XYLT1: variants seen among roughly 807,000 people sequenced by gnomAD.
The protein encoded by XYLT1 is beta-D-xylosyltransferase 1.
Under a neutral mutation model 91.3 loss-of-function variants are expected in XYLT1, and 36 were observed. The ratio of observed to expected loss-of-function variants is 0.39; its 90% confidence interval spans 0.30 to 0.52. XYLT1 has a LOEUF of 0.52. Ranked by LOEUF, XYLT1 falls within the 20% of genes least tolerant of loss-of-function variation. The pLI is 0.68. For synonymous variants in XYLT1, 588 were observed against 532.0 expected (o/e 1.11, Z -1.45); for missense variants, 1,242 against 1,284.5 (o/e 0.97, Z 0.51).
intron 5 of XYLT1, among the ~76,000 whole-genome samples, chr16:17,186,086 C>T (rs1037102828): frequency 3.9e-5 from 6 of 152,190 alleles, no homozygotes; most frequent in East Asian, 1.9e-4. Flanking sequence ...TGATCTGGAA[C>T]GGAACTCTAG....
intron 3 of XYLT1, among the ~76,000 whole-genome samples, chr16:17,223,443 G>T (rs768057157): frequency 6.6e-6 from 1 of 152,230 alleles, no homozygotes; most frequent in African/African-American, 2.4e-5. Flanking sequence ...ACTTCACATC[G>T]TTTGCAGTCA....
intron 1 of XYLT1, among the ~76,000 whole-genome samples, chr16:17,463,697 G>A (rs1442947790): frequency 6.6e-6 from 1 of 152,162 alleles, no homozygotes; most frequent in African/African-American, 2.4e-5. Flanking sequence ...ACTACCATAT[G>A]ATCTGGCAAT....
chr16:17,468,696 T>C (rs967872504), intron 1 of XYLT1, among the ~76,000 whole-genome samples: 5 of 152,022 alleles, frequency 3.3e-5, no homozygotes, highest in Non-Finnish European at 7.4e-5. Flanking sequence ...TCCTTCCTTC[T>C]CTTCATTTGT....
chr16:17,270,601 G>T (rs1012149389), intron 2 of XYLT1, among the ~76,000 whole-genome samples: 1 of 152,226 alleles, frequency 6.6e-6, no homozygotes, highest in African/African-American at 2.4e-5. Flanking sequence ...AAAATGGAAC[G>T]AGAAGAAGAA....
At chr16:17,305,203 C>T (rs888216540) in intron 2 of XYLT1, among the ~76,000 whole-genome samples, 3 of 152,150 alleles carry the variant, frequency 2.0e-5, no homozygotes, top group Admixed American at 2.0e-4. Flanking sequence ...CCACCCAGGA[C>T]AGGATGGGAG....
chr16:17,149,986 T>G (rs2031242935), intron 6 of XYLT1, among the ~76,000 whole-genome samples: 1 of 152,194 alleles, frequency 6.6e-6, no homozygotes, highest in South Asian at 2.1e-4. Context: ...TATTCTCTCT[T>G]CTGGGATTTG....
intron 2 of XYLT1, among the ~76,000 whole-genome samples, chr16:17,259,924 AG>A (rs1341365235): frequency 6.6e-6 from 1 of 152,220 alleles, no homozygotes; most frequent in Non-Finnish European, 1.5e-5. Flanking sequence ...AAATATTGGT[AG>A]GATATTACAT....
intron 2 of XYLT1, among the ~76,000 whole-genome samples, chr16:17,292,105 C>T (rs1169210104): frequency 7.3e-6 from 1 of 137,526 alleles, no homozygotes; most frequent in Non-Finnish European, 1.6e-5. Context: ...CACACACACA[C>T]ATATACACAT....
chr16:17,258,468 G>C (rs922940218), intron 3 of XYLT1, among the ~76,000 whole-genome samples: 1 of 151,822 alleles, frequency 6.6e-6, no homozygotes, highest in Non-Finnish European at 1.5e-5. Flanking sequence ...GAAAATAAAG[G>C]AATGAGAAGG....
intron 3 of XYLT1, among the ~76,000 whole-genome samples, chr16:17,244,709 G>C (rs116992743): frequency 0.013 from 1,945 of 152,256 alleles, 23 homozygotes; most frequent in Admixed American, 0.027. Context: ...GTACATCTTT[G>C]AGAGATCTGA....
chr16:17,140,330 T>G (rs1343245822), intron 7 of XYLT1, among the ~76,000 whole-genome samples: 2 of 152,032 alleles, frequency 1.3e-5, no homozygotes, highest in Non-Finnish European at 2.9e-5. Flanking sequence ...AAAAAGGTGG[T>G]CATTACATGA....
intron 8 of XYLT1, among the ~76,000 whole-genome samples, chr16:17,136,389 A>G (rs1264670767): frequency 6.6e-6 from 1 of 152,170 alleles, no homozygotes; most frequent in Non-Finnish European, 1.5e-5. Context: ...TCTCATTGCC[A>G]GTCTGCTTCA....
At chr16:17,389,339 G>C (rs182165873) in intron 1 of XYLT1, among the ~76,000 whole-genome samples, 62 of 152,288 alleles carry the variant, frequency 4.1e-4, no homozygotes, top group African/African-American at 1.2e-3. Context: ...TCAACCTCCC[G>C]GGCTCAAGTG....
At chr16:17,263,736 T>G (rs1166939090) in intron 2 of XYLT1, among the ~76,000 whole-genome samples, 1 of 152,054 alleles carries the variant, frequency 6.6e-6, no homozygotes, top group Non-Finnish European at 1.5e-5. Context: ...GAGATGGAGT[T>G]TCACTCTTGT....
intron 1 of XYLT1, among the ~76,000 whole-genome samples, chr16:17,444,275 TTA>T (rs2036566867): frequency 6.6e-6 from 1 of 152,190 alleles, no homozygotes; most frequent in African/African-American, 2.4e-5. Flanking sequence ...CTAATCCTAT[TTA>T]TATGTTTATA....
chr16:17,460,222 T>C (rs1011857548), intron 1 of XYLT1, among the ~76,000 whole-genome samples: 2 of 152,094 alleles, frequency 1.3e-5, no homozygotes, highest in East Asian at 3.9e-4. Context: ...AACTTCCCAA[T>C]GCGTGTTATT....
chr16:17,337,780 TC>T (rs201840246), intron 2 of XYLT1, among the ~76,000 whole-genome samples: 5,289 of 136,076 alleles, frequency 0.039, 699 homozygotes, highest in African/African-American at 0.14. Context: ...TTTTTCTTTT[TC>T]TTTTTTTTTT....
chr16:17,161,677 G>GCT (rs10676460), intron 5 of XYLT1, among the ~76,000 whole-genome samples: 79,794 of 148,822 alleles, frequency 0.54, 21,549 homozygotes, highest in East Asian at 0.73. Flanking sequence ...TTTCTCGCGC[G>GCT]CTCTCTCTCT....
At chr16:17,252,837 T>G (rs2033562891) in intron 3 of XYLT1, among the ~76,000 whole-genome samples, 1 of 152,204 alleles carries the variant, frequency 6.6e-6, no homozygotes, top group African/African-American at 2.4e-5. Context: ...TGAGGAATTG[T>G]TTCCTTAATT....
Sources: gnomAD v4.1 joint callset for allele counts (sites outside exome capture counted in the v4.1 genomes callset) on GRCh38, gnomAD v4.1.1 for gene constraint, MANE v1.5 for transcripts, NCBI Gene and HGNC (gene_info 2026-07-23, HGNC 2026-07-21) for gene names.